The following CDH23 variants were observed in gnomAD, a reference collection of about 807,000 sequenced individuals.
CDH23 encodes the protein cadherin related 23.
In CDH23, 189 loss-of-function variants were observed where a neutral mutation model predicts 317.1. The ratio of observed to expected loss-of-function variants is 0.60; its 90% CI spans 0.53 to 0.67. The LOEUF is 0.67. Ranked by LOEUF, CDH23 falls within the 30% of genes least tolerant of loss-of-function variation. The probability of loss-of-function intolerance (pLI) is 0.00; values close to 1 mark genes in which losing one functional copy is unlikely to be tolerated. For synonymous variants in CDH23, 1,839 were observed against 1,876.8 expected (o/e 0.98, Z 0.52); for missense variants, 4,401 against 4,592.4 (o/e 0.96, Z 1.20).
chr10:71,510,975 G>C lies in CDH23; in HGVS notation c.310G>C (p.Glu104Gln), dbSNP rs772284876. The C allele has an allele frequency of 1.9e-6, 3 of 1,613,870 alleles. No individual in the cohort carries two copies. The highest frequency in any genetic ancestry group is 1.6e-4 in the Middle Eastern group (1 of 6,062). ...DRETKSEFTVEFSVSDHQGVI... is the reference protein window; with the variant it reads ...DRETKSEFTVQFSVSDHQGVI... ...TCAGACCAAGTCAGAGTTCACCGTG[G>C]AGTTCTCTGTCAGCGACCACCAGGG... Residue 104 changes from glutamate (E) to glutamine (Q), a missense_variant, in exon 5 of 70, where the codon GAG becomes CAG. Transcript: ENST00000224721.
intron 38 of CDH23, among the ~76,000 whole-genome samples, chr10:71,766,307 G>T (rs2132900347): frequency 6.6e-6 from 1 of 152,298 alleles, no homozygotes; most frequent in East Asian, 1.9e-4. Context: ...CTGAGCATGT[G>T]CCAGGCGGGA....
At chr10:71,555,844 A>G (rs536250404) in intron 6 of CDH23, among the ~76,000 whole-genome samples, 1 of 151,936 alleles carries the variant, frequency 6.6e-6, no homozygotes, top group African/African-American at 2.4e-5. Flanking sequence ...CTCTGATGAG[A>G]CTCCACCTAG....
chr10:71,508,230 G>A (rs1853754572), intron 3 of CDH23: 1 of 152,162 alleles, frequency 6.6e-6, no homozygotes. Context: ...CCCAGTGAAT[G>A]TCCAATGTCT....
At chr10:71,613,818 G>A (rs1304897723) in intron 9 of CDH23, among the ~76,000 whole-genome samples, 1 of 152,140 alleles carries the variant, frequency 6.6e-6, no homozygotes, top group Non-Finnish European at 1.5e-5. Context: ...TGAAGGCTTG[G>A]GTATTAATTC....
In CDH23 at chr10:71,799,210, A is replaced by T. The variant is rs1310823309; in HGVS notation, c.7154A>T (p.Glu2385Val). 1.2e-6 allele frequency: 2 copies of T among 1,614,052 alleles called. No homozygotes were observed. The highest frequency in any genetic ancestry group is 3.3e-5 in the Admixed American group (2 of 60,030). Residue 2385 changes from glutamate to valine, a missense_variant, in exon 51 of 70, where the codon GAG (glutamate) becomes GTG (valine). Glu to Val is a moderately radical substitution (Grantham distance 121). Transcript: ENST00000224721. ...SDNGSPPRAAEIPVYLEIVDI... is the reference protein window; with the variant it reads ...SDNGSPPRAAVIPVYLEIVDI... The stretch of plus-strand genomic sequence containing the variant: ...AACGGGTCCCCGCCCCGGGCAGCTG[A>T]GATCCCTGTCTACCTGGAAATCGTG...
chr10:71,763,056 A>C (rs1245786712), intron 38 of CDH23, among the ~76,000 whole-genome samples: 2 of 152,240 alleles, frequency 1.3e-5, no homozygotes, highest in Non-Finnish European at 2.9e-5. Flanking sequence ...TATTGGCTAC[A>C]ATGCAGGGTT....
At chr10:71,795,760 C>T (rs779102072) in intron 48 of CDH23, 103 of 984,532 alleles carry the variant, frequency 1.0e-4, no homozygotes, top group Non-Finnish European at 1.2e-4. Flanking sequence ...CCCTGCCCTG[C>T]TCTGCTCCAT....
rs774744210 is a variant in CDH23 at position 71,785,674 on chromosome 10, T to C, written c.5756T>C (p.Ile1919Thr). ...AACCGGCCCCTGGACCGCGAGCGGA[T>C]CCCAGAGTACAAGCTGACCATTTCT... ...TVNRPLDRER[I>T]PEYKLTISVK... is the part of the protein sequence containing the mutation. Residue 1919 changes from isoleucine to threonine, a missense_variant, in exon 44 of 70, where the codon ATC becomes ACC. Around this residue, in one of 3 missense-constraint regions of CDH23, gnomAD observed 3,068 missense variants for 3,203.3 expected, o/e 0.96. Coordinates refer to ENST00000224721, the MANE Select transcript of CDH23 (RefSeq NM_022124.6). 1.2e-6 allele frequency: 2 copies of C among 1,608,596 alleles called. No homozygotes were observed. Among genetic ancestry groups the C allele is most frequent in the Admixed American group, 3.4e-5 (2 of 59,452 alleles).
chr10:71,688,745 G>C (rs1865025088), intron 19 of CDH23, among the ~76,000 whole-genome samples: 2 of 140,326 alleles, frequency 1.4e-5, no homozygotes, highest in Admixed American at 7.0e-5. Flanking sequence ...GGGTGGTGGA[G>C]CCAGGGGTGG....
intron 6 of CDH23, among the ~76,000 whole-genome samples, chr10:71,541,637 G>GGCT (rs1202474399): frequency 3.3e-5 from 5 of 152,214 alleles, no homozygotes; most frequent in Non-Finnish European, 5.9e-5. Flanking sequence ...TCCCACTCCT[G>GGCT]GCTGCTCTGG....
intron 11 of CDH23, among the ~76,000 whole-genome samples, chr10:71,631,805 G>A (rs1405225102): frequency 6.6e-6 from 1 of 152,194 alleles, no homozygotes; most frequent in East Asian, 1.9e-4. Context: ...GTCCTACAGG[G>A]ACAGACTGTG....
rs370547595 is a variant in CDH23, at chr10:71,784,372, C to T, written c.5454C>T (p.Asn1818=). The T allele has an allele frequency of 3.1e-6, 5 of 1,613,836 alleles. No homozygotes were observed. In the African/African-American group the frequency reaches 6.7e-5, roughly 22 times the overall value. ...ACCGGGAGACCATCGCCTTCTACAA[C>T]CTGACCATCTGTGCCCGTGACCGGG... is the stretch of plus-strand genomic sequence containing the variant. ...ELDRETIAFY[N]LTICARDRGM... is the part of the protein sequence containing the mutation. Residue 1818 remains asparagine, a synonymous_variant, in exon 42 of 70, where the codon AAC becomes AAT. Coordinates refer to ENST00000224721, the MANE Select transcript of CDH23 (RefSeq NM_022124.6).
chr10:71,607,835 T>G (rs2132493668), intron 9 of CDH23, among the ~76,000 whole-genome samples: 1 of 152,230 alleles, frequency 6.6e-6, no homozygotes, highest in East Asian at 1.9e-4. Context: ...CTGAAGAGGT[T>G]AAGTCTGCAG....
At chr10:71,696,083 A>G (rs543328195) in intron 22 of CDH23, among the ~76,000 whole-genome samples, 6 of 152,324 alleles carry the variant, frequency 3.9e-5, no homozygotes, top group East Asian at 1.9e-4. Context: ...GAATGTGCAC[A>G]ATTCAGGGTG....
intron 48 of CDH23, among the ~76,000 whole-genome samples, chr10:71,795,148 A>G (rs1473505205): frequency 1.3e-5 from 2 of 152,230 alleles, no homozygotes; most frequent in Admixed American, 6.5e-5. Context: ...AACAAAAAAT[A>G]TACTTCAATA....
chr10:71,772,320 A>G (rs1205355948), intron 38 of CDH23, among the ~76,000 whole-genome samples: 1 of 151,220 alleles, frequency 6.6e-6, no homozygotes, highest in Non-Finnish European at 1.5e-5. Context: ...CATCCTGCCC[A>G]CTGGGTCCCT....
chr10:71,705,164 A>G (rs767436337), intron 25 of CDH23, 34 bp downstream of exon 25: 22 of 1,578,426 alleles, frequency 1.4e-5, no homozygotes, highest in Non-Finnish European at 8.6e-7. Context: ...CTGTGTGCTC[A>G]GTGTGTGGGC....
intron 3 of CDH23, among the ~76,000 whole-genome samples, chr10:71,491,869 G>A (rs752995111): frequency 4.6e-5 from 7 of 152,182 alleles, no homozygotes; most frequent in East Asian, 1.9e-4. Flanking sequence ...CAGCTCTGAC[G>A]TTCTGCGATT....
chr10:71,520,198 G>A (rs919761195), intron 6 of CDH23, among the ~76,000 whole-genome samples: 8 of 152,208 alleles, frequency 5.3e-5, no homozygotes, highest in Non-Finnish European at 8.8e-5. Flanking sequence ...ACTCATCCCC[G>A]TGGACTGATT....
Sources: allele counts gnomAD v4.1 joint callset (sites outside exome capture counted in the v4.1 genomes callset), GRCh38; gene constraint gnomAD v4.1.1; regional missense constraint gnomAD v4.1.1; transcripts MANE v1.5; gene names NCBI Gene and HGNC (gene_info 2026-07-23, HGNC 2026-07-21).